Variants in GRID2 observed in about 807,000 individuals in gnomAD.
GRID2 encodes the protein glutamate ionotropic receptor delta type subunit 2.
GRID2 carries 33 observed loss-of-function variants against 114.8 expected under a neutral mutation model. The ratio of observed to expected loss-of-function variants is 0.29; its 90% CI spans 0.22 to 0.38. GRID2 has a LOEUF of 0.38. Among genes scored for constraint, GRID2 ranks in the 10% least tolerant of loss-of-function variants. The pLI, the probability that GRID2 is intolerant of heterozygous loss-of-function variation, is 1.00. For missense variants in GRID2, 1,184 were observed against 1,257.7 expected (o/e 0.94, Z 0.89); for synonymous variants, 505 against 449.9 (o/e 1.12, Z -1.55).
chr4:93,088,629 C>A (rs149575479), intron 3 of GRID2, among the ~76,000 whole-genome samples: 1 of 152,076 alleles, frequency 6.6e-6, no homozygotes, highest in East Asian at 1.9e-4. Context: ...GAGAAACAGC[C>A]CCCCTACCAA....
chr4:92,975,831 T>C (rs1199901661), intron 2 of GRID2, among the ~76,000 whole-genome samples: 1 of 151,802 alleles, frequency 6.6e-6, no homozygotes, highest in Non-Finnish European at 1.5e-5. Flanking sequence ...AAACATGGAG[T>C]GTTTTGATAG....
chr4:93,080,174 G>C (rs1035832047), intron 2 of GRID2, among the ~76,000 whole-genome samples: 1 of 152,056 alleles, frequency 6.6e-6, no homozygotes, highest in African/African-American at 2.4e-5. Flanking sequence ...TTGTGTTACT[G>C]TATTCCTAGA....
intron 2 of GRID2, among the ~76,000 whole-genome samples, chr4:92,759,412 C>T (rs2149344206): frequency 6.6e-6 from 1 of 150,678 alleles, no homozygotes; most frequent in African/African-American, 2.4e-5. Context: ...GTTAAAATCC[C>T]ATTCATATTT....
Position 93,665,454 on chromosome 4 carries a change from T to C in GRID2, c.2360+39019T>C, listed in dbSNP as rs138304522. Among the ~76,000 whole-genome samples the C allele has an allele frequency of 1.7e-4, 26 of 152,334 alleles. No individual in the cohort carries two copies. The East Asian group carries it at 4.8e-3, about 28-fold the overall frequency. On this transcript the variant is annotated intron_variant, in intron 14 of 15. Coordinates refer to ENST00000282020, the MANE Select transcript of GRID2 (RefSeq NM_001510.4). ...TTTTACTTCATTCATCCTGCCTACA[T>C]TCAGCTCATTTTAAGATGTGTCTTT...
chr4:93,264,823 G>T (rs1750639972), intron 8 of GRID2, among the ~76,000 whole-genome samples: 2 of 147,778 alleles, frequency 1.4e-5, no homozygotes, highest in Admixed American at 1.4e-4. Flanking sequence ...CTGCTCTATT[G>T]CCAGGCTGGA....
chr4:93,568,120 TTC>T (rs1229477176), intron 13 of GRID2, among the ~76,000 whole-genome samples: 1 of 152,148 alleles, frequency 6.6e-6, no homozygotes, highest in East Asian at 1.9e-4. Context: ...CTCCTCCAGG[TTC>T]TGTTTCCTCA....
intron 2 of GRID2, among the ~76,000 whole-genome samples, chr4:92,665,334 T>C (rs1412079246): frequency 7.3e-5 from 11 of 150,244 alleles, no homozygotes; most frequent in Admixed American, 6.6e-4. Flanking sequence ...GTTTCCACCC[T>C]GTTCAGTAGT....
intron 8 of GRID2, among the ~76,000 whole-genome samples, chr4:93,284,766 T>C (rs2149133178): frequency 6.6e-6 from 1 of 151,156 alleles, no homozygotes; most frequent in East Asian, 1.9e-4. Context: ...ATGAAATATA[T>C]GGATAACAAT....
chr4:92,542,100 C>A (rs1725995222), intron 1 of GRID2, among the ~76,000 whole-genome samples: 2 of 151,928 alleles, frequency 1.3e-5, no homozygotes. Context: ...AAATGTAGTT[C>A]CCAAATGCAT....
At position 93,145,584 on chromosome 4, in the gene GRID2, G is replaced by A. The variant is rs1026262408; in HGVS notation, c.735+34631G>A. 3.5e-5 allele frequency among the ~76,000 whole-genome samples: 5 copies of A among 143,676 alleles called. No homozygotes were observed. The Admixed American group carries it at 3.5e-4, about 10-fold the overall frequency. The allele number at this position is 143,676 out of a possible 152,430, so 94.3% of individuals were successfully genotyped here. On this transcript the variant is annotated intron_variant, in intron 4 of 15. Coordinates refer to ENST00000282020, the MANE Select transcript of GRID2 (RefSeq NM_001510.4). ...TCAAGTTCTCCAGCCTCAGCCTCCT[G>A]AGTAGCTGGAATTACAGGTGCCTGA...
intron 8 of GRID2, among the ~76,000 whole-genome samples, chr4:93,303,775 A>G (rs1446339907): frequency 6.6e-6 from 1 of 151,986 alleles, no homozygotes; most frequent in South Asian, 2.1e-4. Flanking sequence ...AAACTTACCA[A>G]CTATGACTTA....
At position 92,651,765 on chromosome 4, in the gene GRID2, G is replaced by A. The variant is rs140405610; in HGVS notation, c.244+61479G>A. ...CAAATTCAAAACAGGTGCACTGCCT[G>A]AAGTTCTGCCCATTGAGAGGATTTC... On this transcript the variant is annotated intron_variant, in intron 2 of 15. Coordinates refer to ENST00000282020, the MANE Select transcript of GRID2 (RefSeq NM_001510.4). 7.9e-5 allele frequency among the ~76,000 whole-genome samples: 12 copies of A among 152,216 alleles called. No homozygotes were observed. The East Asian group carries it at 2.1e-3, about 27-fold the overall frequency.
chr4:93,769,433 C>G lies in GRID2; in HGVS notation c.2584C>G (p.Arg862Gly). ...ETWWNKRKGS[R>G]VPSKEDDKEI... ...GTGGTGGAACAAGAGGAAAGGCTCC[C>G]GGGTTCCATCAAAAGAGGTACTTGA... Residue 862 changes from arginine to glycine, a missense_variant, in exon 15 of 16, where the codon CGG (arginine) becomes GGG (glycine). This residue lies in a region of GRID2 where 717 missense variants were observed against 796.9 expected (regional missense o/e 0.90). Transcript: ENST00000282020. 1 of 1,613,822 alleles carries G rather than the reference C, an allele frequency of 6.2e-7. No homozygotes were observed. Among genetic ancestry groups the G allele is most frequent in the Non-Finnish European group, 8.5e-7 (1 of 1,179,864 alleles).
intron 8 of GRID2, among the ~76,000 whole-genome samples, chr4:93,326,249 A>G (rs1017424685): frequency 1.3e-5 from 2 of 152,134 alleles, no homozygotes; most frequent in Admixed American, 6.5e-5. Flanking sequence ...AAATCACCCC[A>G]TCATGGTTAC....
chr4:92,486,963 T>C (rs1311872329), intron 1 of GRID2, among the ~76,000 whole-genome samples: 2 of 152,018 alleles, frequency 1.3e-5, no homozygotes, highest in East Asian at 3.9e-4. Flanking sequence ...TCATTTCATA[T>C]AAATTATCAA....
chr4:92,603,191 A>G (rs1235167953), intron 2 of GRID2, among the ~76,000 whole-genome samples: 1 of 152,152 alleles, frequency 6.6e-6, no homozygotes, highest in African/African-American at 2.4e-5. Context: ...AGAGAATTAG[A>G]AAAACTACTT....
chr4:93,525,096 GGCT>G (rs1560714007), intron 13 of GRID2, among the ~76,000 whole-genome samples: 2 of 151,718 alleles, frequency 1.3e-5, no homozygotes, highest in African/African-American at 4.8e-5. Context: ...TTTATTCAGT[GGCT>G]GCTAAGTAAA....
At chr4:92,515,852 C>A (rs921898237) in intron 1 of GRID2, among the ~76,000 whole-genome samples, 6 of 151,852 alleles carry the variant, frequency 4.0e-5, no homozygotes, top group African/African-American at 1.4e-4. Context: ...TCTACGAAGG[C>A]AAATTATTCT....
intron 10 of GRID2, among the ~76,000 whole-genome samples, chr4:93,428,808 T>G (rs1331539673): frequency 6.6e-6 from 1 of 152,172 alleles, no homozygotes; most frequent in African/African-American, 2.4e-5. Context: ...CAACACAATA[T>G]ACATATGTCA....
Sources: allele counts gnomAD v4.1 joint callset (sites outside exome capture counted in the v4.1 genomes callset), GRCh38; gene constraint gnomAD v4.1.1; regional missense constraint gnomAD v4.1.1; transcripts MANE v1.5; gene names NCBI Gene and HGNC (gene_info 2026-07-23, HGNC 2026-07-21).